Variants in CDRT4 observed in about 807,000 individuals in gnomAD.
CDRT4 encodes the protein CMT1A duplicated region transcript 4.
For synonymous variants in CDRT4, 64 were observed against 69.6 expected (o/e 0.92, Z 0.40); for missense variants, 167 against 193.1 (o/e 0.87, Z 0.80).
chr17:15,440,298 A>T lies in CDRT4; in HGVS notation c.-47-13T>A. Reference sequence around the variant, plus strand: ...CAGGTTCAGATTCCTATGGGAAAATACACTTGTTAGCCAGAGCCTCCTCAA... The same window carrying T: ...CAGGTTCAGATTCCTATGGGAAAATTCACTTGTTAGCCAGAGCCTCCTCAA... On this transcript the variant is annotated splice_polypyrimidine_tract_variant and intron_variant, in intron 2 of 3. Coordinates refer to ENST00000619038, the MANE Select transcript of CDRT4 (RefSeq NM_001204477.2). 1 of 1,609,226 alleles carries T rather than the reference A, an allele frequency of 6.2e-7. No homozygotes were observed.
chr17:15,444,129 A>C, intron 2 of CDRT4: 1 of 1,290,626 alleles, frequency 7.7e-7, no homozygotes, highest in Non-Finnish European at 1.1e-6. Context: ...CAAGGCAATC[A>C]GGAAATTTTT....
Position 15,438,089 on chromosome 17 carries a change from T to C in CDRT4, c.143A>G (p.Lys48Arg), listed in dbSNP as rs1978583294. Reference protein sequence around the residue: ...QTVKRLIEKSKTRELECMRAL... With the variant: ...QTVKRLIEKSRTRELECMRAL... ...ACGCATGCATTCCAGTTCTCTAGTT[T>C]TGCTTTTCTCAATGAGTCTTTTCAC... The change falls in exon 4 of 4, where the codon AAA (lysine) becomes AGA (arginine). Residue 48 changes from lysine to arginine, a missense_variant. Lys to Arg is a conservative substitution (Grantham distance 26, BLOSUM62 2). Transcript: ENST00000619038. 3 of 1,614,040 alleles carry C rather than the reference T, an allele frequency of 1.9e-6. No homozygotes were observed. The highest frequency in any genetic ancestry group is 2.5e-6 in the Non-Finnish European group (3 of 1,180,042).
Position 15,437,584 on chromosome 17 carries a change from A to G in CDRT4, c.*189T>C. The G allele has an allele frequency of 1.6e-6, 1 of 629,962 alleles. No individual in the cohort carries two copies. Among genetic ancestry groups the G allele is most frequent in the Non-Finnish European group, 2.7e-6 (1 of 365,606 alleles). The allele number at this position is 629,962 out of a possible 1,614,324, so 39.0% of individuals were successfully genotyped here. A position where few individuals can be genotyped will look rare whatever the true frequency, so the allele number is the denominator to read the frequency against. On this transcript the variant is annotated 3_prime_UTR_variant, in exon 4 of 4. Coordinates refer to ENST00000619038, the MANE Select transcript of CDRT4 (RefSeq NM_001204477.2). Reference sequence around the variant, plus strand: ...CAGAGAGCAGTGTGGGAGGGGACACACTCACCCACCCACCTACAGCTTGCA... The same window carrying G: ...CAGAGAGCAGTGTGGGAGGGGACACGCTCACCCACCCACCTACAGCTTGCA...
Position 15,464,887 on chromosome 17 carries a change from G to C in CDRT4, c.-130+2573C>G, listed in dbSNP as rs926592299. Among the ~76,000 whole-genome samples, 2 of 152,140 alleles carry C rather than the reference G, an allele frequency of 1.3e-5. No individual in the cohort carries two copies. On this transcript the variant is annotated intron_variant, in intron 1 of 3. Coordinates refer to ENST00000619038, the MANE Select transcript of CDRT4 (RefSeq NM_001204477.2). This position sits in a 1 kb window ranked among gnomAD's most constrained non-coding sequence, Gnocchi z 4.5. ...AGGAACCAGCAGGGATACGGGAACAGAGGCACAGACATCAAGCAGGGTTCA... is the reference window on the plus strand; with the variant it reads ...AGGAACCAGCAGGGATACGGGAACACAGGCACAGACATCAAGCAGGGTTCA...
chr17:15,444,248 T>C (rs1454566605), intron 2 of CDRT4: 3 of 612,504 alleles, frequency 4.9e-6, no homozygotes, highest in Non-Finnish European at 8.5e-6. Flanking sequence ...TAAGACCTAC[T>C]TGTGATATTT....
chr17:15,463,743 T>A (rs1450169743), intron 1 of CDRT4, among the ~76,000 whole-genome samples: 1 of 152,184 alleles, frequency 6.6e-6, no homozygotes, highest in Non-Finnish European at 1.5e-5. Context: ...CAACCTAAAG[T>A]ATCTCCTCCT....
chr17:15,441,335 A>G (rs1208845065), intron 2 of CDRT4, among the ~76,000 whole-genome samples: 1 of 152,208 alleles, frequency 6.6e-6, no homozygotes, highest in Admixed American at 6.5e-5. Flanking sequence ...ACAGACACCC[A>G]GGTCCCACCT....
At chr17:15,440,591 G>A (rs1416410253) in intron 2 of CDRT4, among the ~76,000 whole-genome samples, 1 of 151,966 alleles carries the variant, frequency 6.6e-6, no homozygotes, top group Non-Finnish European at 1.5e-5. Context: ...GTGGAGGCTG[G>A]TCCACAGAGG....
chr17:15,452,445 C>T (rs894279133), intron 2 of CDRT4: 4 of 152,240 alleles, frequency 2.6e-5, no homozygotes, highest in Admixed American at 2.6e-4. Context: ...TCCATGGGAC[C>T]TAAATGTACC....
intron 1 of CDRT4, among the ~76,000 whole-genome samples, chr17:15,455,352 A>G (rs728854): frequency 0.22 from 34,164 of 152,214 alleles, 7,458 homozygotes; most frequent in African/African-American, 0.53. Context: ...CACAACTCAC[A>G]TCTTAACAGA....
intron 1 of CDRT4, among the ~76,000 whole-genome samples, chr17:15,458,266 G>A (rs958207359): frequency 1.3e-5 from 2 of 152,196 alleles, no homozygotes; most frequent in African/African-American, 4.8e-5. Context: ...AGGAATCTTG[G>A]AAAGACACTG....
In CDRT4 at chr17:15,437,917, A is replaced by G. The variant is rs142965522; in HGVS notation, c.315T>C (p.Tyr105=). The G allele has an allele frequency of 5.0e-6, 8 of 1,614,066 alleles. No homozygotes were observed. In the African/African-American group the frequency reaches 1.1e-4, roughly 22 times the overall value. The change falls in exon 4 of 4, where the codon TAT becomes TAC. Residue 105 remains tyrosine (Y), a synonymous_variant. Transcript: ENST00000619038. The stretch of plus-strand genomic sequence containing the variant: ...TGGTAGGAGCCATGGCCAATACCGA[A>G]TAAGCGCCCCACATTGATAACGTGG... ...SESTLSMWGA[Y]SVLAMAPTMI... is the part of the protein sequence containing the mutation.
chr17:15,446,601 C>T (rs1389386484), intron 2 of CDRT4, among the ~76,000 whole-genome samples: 2 of 152,116 alleles, frequency 1.3e-5, no homozygotes, highest in East Asian at 1.9e-4. Context: ...AGTCCATTAC[C>T]GCACTATCTT....
Position 15,438,615 on chromosome 17 carries a change from C to T in CDRT4, c.32-415G>A, listed in dbSNP as rs77039254. ...TTCTGTACTTGTCTGCTCCAAATTC[C>T]TACTCTACCCTCTTCATAGCTGTGA... On this transcript the variant is annotated intron_variant, in intron 3 of 3. Coordinates refer to ENST00000619038, the MANE Select transcript of CDRT4 (RefSeq NM_001204477.2). 7.2e-3 allele frequency among the ~76,000 whole-genome samples: 1,097 copies of T among 152,282 alleles called. 11 individuals carry two copies. The highest frequency in any genetic ancestry group is 0.025 in the African/African-American group (1,049 of 41,554).
At position 15,464,940 on chromosome 17, in the gene CDRT4, C is replaced by T. The variant is rs116141276; in HGVS notation, c.-130+2520G>A. 0.016 allele frequency among the ~76,000 whole-genome samples: 2,469 copies of T among 152,158 alleles called. 52 individuals carry two copies. Among genetic ancestry groups the T allele is most frequent in the African/African-American group, 0.05 (2,064 of 41,500 alleles). ...AAAGTGCAAGTGGGTGCAACACACACACACACCAACACACAGACACACACA... is the reference window on the plus strand; with the variant it reads ...AAAGTGCAAGTGGGTGCAACACACATACACACCAACACACAGACACACACA... On this transcript the variant is annotated intron_variant, in intron 1 of 3. Coordinates refer to ENST00000619038, the MANE Select transcript of CDRT4 (RefSeq NM_001204477.2). The surrounding 1 kb of genome is among the most constrained non-coding windows in gnomAD (Gnocchi z 4.5).
chr17:15,449,023 T>C (rs58586132), intron 2 of CDRT4, among the ~76,000 whole-genome samples: 5,557 of 152,258 alleles, frequency 0.036, 321 homozygotes, highest in African/African-American at 0.13. Context: ...CCAATAACGA[T>C]GCTACATCCA....
intron 2 of CDRT4, among the ~76,000 whole-genome samples, chr17:15,447,372 G>A (rs2954772): frequency 0.18 from 27,597 of 152,064 alleles, 4,469 homozygotes; most frequent in East Asian, 0.48. Context: ...GGATCTCAAA[G>A]GGCAAAGGAA....
rs149000474 is a variant in CDRT4, at chr17:15,437,914, C to A, written c.318G>T (p.Ser106=). The A allele has an allele frequency of 1.9e-6, 3 of 1,614,024 alleles. No individual in the cohort carries two copies. The highest frequency in any genetic ancestry group is 2.5e-6 in the Non-Finnish European group (3 of 1,180,036). ...TCATGGTAGGAGCCATGGCCAATAC[C>A]GAATAAGCGCCCCACATTGATAACG... ...ESTLSMWGAY[S]VLAMAPTMIP... Residue 106 remains serine, a synonymous_variant, in exon 4 of 4, where the codon TCG becomes TCT. Transcript: ENST00000619038.
At chr17:15,463,148 C>A (rs975060177) in intron 1 of CDRT4, among the ~76,000 whole-genome samples, 1 of 151,946 alleles carries the variant, frequency 6.6e-6, no homozygotes, top group African/African-American at 2.4e-5. Context: ...CAGTCAAGAG[C>A]CCTGGATTCA....
Sources: gnomAD v4.1 joint callset for allele counts (sites outside exome capture counted in the v4.1 genomes callset) on GRCh38, gnomAD v4.1.1 for gene constraint, Gnocchi (gnomAD v3.1) non-coding constraint, MANE v1.5 for transcripts, NCBI Gene and HGNC (gene_info 2026-07-23, HGNC 2026-07-21) for gene names.